TOP1: variants seen among roughly 807,000 people sequenced by gnomAD.
The protein encoded by TOP1 is DNA topoisomerase 1.
A neutral mutation model predicts 111.1 loss-of-function variants in TOP1; 10 were observed. The ratio of observed to expected loss-of-function variants is 0.09; its 90% CI spans 0.06 to 0.15. The LOEUF is 0.15. Ranked by LOEUF, TOP1 falls within the 10% of genes least tolerant of loss-of-function variation. TOP1 has a pLI of 1.00. For missense variants in TOP1, 474 were observed against 926.7 expected (o/e 0.51, Z 6.34); for synonymous variants, 271 against 302.9 (o/e 0.89, Z 1.10).
chr20:41,075,203 G>A (rs747251529), intron 3 of TOP1, among the ~76,000 whole-genome samples: 15 of 151,982 alleles, frequency 9.9e-5, no homozygotes, highest in Non-Finnish European at 1.3e-4. Flanking sequence ...GCAGAGTCTC[G>A]CTCTTTCGCC....
Position 41,030,070 on chromosome 20 carries a change from TA to T in TOP1, c.58+619del, listed in dbSNP as rs57403031. Among the ~76,000 whole-genome samples, 1,208 of 152,358 alleles carry T rather than the reference TA, an allele frequency of 7.9e-3. 14 individuals are homozygous for T. Among genetic ancestry groups the T allele is most frequent in the African/African-American group, 0.027 (1,143 of 41,586 alleles). ...CTGTTTATGATAGGAATTATGGCTC[TA>T]AAACTAAAGCCACGCTTTGTGGAGT... On this transcript the variant is annotated intron_variant, in intron 2 of 20. Coordinates refer to ENST00000361337, the MANE Select transcript of TOP1 (RefSeq NM_003286.4). This position sits in a 1 kb window ranked among gnomAD's most constrained non-coding sequence, Gnocchi z 4.1.
Position 41,114,472 on chromosome 20 carries a change from A to G in TOP1, c.1638+317A>G, listed in dbSNP as rs947871204. 2.0e-5 allele frequency among the ~76,000 whole-genome samples: 3 copies of G among 152,222 alleles called. No individual in the cohort carries two copies. The highest frequency in any genetic ancestry group is 4.4e-5 in the Non-Finnish European group (3 of 68,042). On this transcript the variant is annotated intron_variant, in intron 15 of 20. Transcript: ENST00000361337. The surrounding 1 kb of genome is among the most constrained non-coding windows in gnomAD (Gnocchi z 4.5). ...AAATGACTTGAAAGAGGGGAGAGGTATTATTTGATATCTTGTGTACCTCCT... is the reference window on the plus strand; with the variant it reads ...AAATGACTTGAAAGAGGGGAGAGGTGTTATTTGATATCTTGTGTACCTCCT...
intron 2 of TOP1, among the ~76,000 whole-genome samples, chr20:41,051,427 A>G (rs1600560140): frequency 6.6e-6 from 1 of 152,230 alleles, no homozygotes; most frequent in Non-Finnish European, 1.5e-5. Flanking sequence ...AGATCATGGA[A>G]TAGTTGATAA....
At position 41,114,074 on chromosome 20, in the gene TOP1, T is replaced by C. The variant is rs2034290187; in HGVS notation, c.1557T>C (p.Asp519=). The C allele has an allele frequency of 1.9e-6, 3 of 1,614,184 alleles. No individual in the cohort carries two copies. ...VEHINLHPEL[D]GQEYVVEFDF... ...ACATCAATCTACACCCAGAGTTGGATGGTCAGGAATATGTGGTAGAGTTTG... is the reference window on the plus strand; with the variant it reads ...ACATCAATCTACACCCAGAGTTGGACGGTCAGGAATATGTGGTAGAGTTTG... Residue 519 remains aspartate (D), a synonymous_variant, in exon 15 of 21, where the codon GAT becomes GAC. Transcript: ENST00000361337. The surrounding 1 kb of genome is among the most constrained non-coding windows in gnomAD (Gnocchi z 4.5).
rs762287828 is a variant in TOP1, at chr20:41,112,874, C to T, written c.1401C>T (p.Ser467=). 7 of 1,614,056 alleles carry T rather than the reference C, an allele frequency of 4.3e-6. No individual in the cohort carries two copies. Among genetic ancestry groups the T allele is most frequent in the Non-Finnish European group, 5.9e-6 (7 of 1,180,040 alleles). Residue 467 remains serine, a synonymous_variant, in exon 14 of 21, where the codon TCC becomes TCT. Transcript: ENST00000361337. This position sits in a 1 kb window ranked among gnomAD's most constrained non-coding sequence, Gnocchi z 5.8. ...IRNQYREDWK[S]KEMKVRQRAV... Reference sequence around the variant, plus strand: ...ACCAGTATCGAGAAGACTGGAAGTCCAAAGAGATGAAAGTCCGGCAGAGAG... The same window carrying T: ...ACCAGTATCGAGAAGACTGGAAGTCTAAAGAGATGAAAGTCCGGCAGAGAG...
intron 4 of TOP1, 33 bp downstream of exon 4, chr20:41,076,327 G>A (rs201008739): frequency 1.8e-5 from 29 of 1,577,574 alleles, no homozygotes; most frequent in Admixed American, 7.6e-5. Flanking sequence ...AGGAAGGAAC[G>A]TGGATGCACT....
chr20:41,105,750 T>G (rs75156662), intron 13 of TOP1, among the ~76,000 whole-genome samples: 1 of 152,164 alleles, frequency 6.6e-6, no homozygotes, highest in Non-Finnish European at 1.5e-5. Context: ...TCACCTCAGC[T>G]GCACAAAGTG....
In TOP1 at chr20:41,102,757, A is replaced by G. The variant is rs1170139421; in HGVS notation, c.1308+1404A>G. On this transcript the variant is annotated intron_variant, in intron 13 of 20. Coordinates refer to ENST00000361337, the MANE Select transcript of TOP1 (RefSeq NM_003286.4). The surrounding 1 kb of genome is among the most constrained non-coding windows in gnomAD (Gnocchi z 4.0). ...CTTCTGAAGTATCGCAAAGCTGTAT[A>G]TATGGCTACAAAAGCAGAAAAATAA... is the stretch of plus-strand genomic sequence containing the variant. Among the ~76,000 whole-genome samples, 1 of 152,264 alleles carries G rather than the reference A, an allele frequency of 6.6e-6. No individual in the cohort carries two copies. The highest frequency in any genetic ancestry group is 1.5e-5 in the Non-Finnish European group (1 of 68,046).
At chr20:41,089,960 T>G (rs1022472881) in intron 8 of TOP1, among the ~76,000 whole-genome samples, 1 of 152,168 alleles carries the variant, frequency 6.6e-6, no homozygotes, top group African/African-American at 2.4e-5. Flanking sequence ...TCAAGTTCTT[T>G]GCCCCACCCC....
At chr20:41,088,615 G>C (rs1397116539) in intron 8 of TOP1, among the ~76,000 whole-genome samples, 1 of 152,136 alleles carries the variant, frequency 6.6e-6, no homozygotes, top group Non-Finnish European at 1.5e-5. Flanking sequence ...CTCTGTGACT[G>C]CTGCAGACAG....
chr20:41,120,744 TC>T (rs2034409097), intron 18 of TOP1, among the ~76,000 whole-genome samples: 1 of 152,040 alleles, frequency 6.6e-6, no homozygotes, highest in Non-Finnish European at 1.5e-5. Flanking sequence ...ACCTCAGACT[TC>T]TCTCCTTTTT....
chr20:41,050,899 AT>A, intron 2 of TOP1, among the ~76,000 whole-genome samples: 1 of 152,144 alleles, frequency 6.6e-6, no homozygotes, highest in Non-Finnish European at 1.5e-5. Flanking sequence ...GAGAATGTTG[AT>A]TTTTTTAAAA....
Position 41,118,340 on chromosome 20 carries a change from A to T in TOP1, c.1950+44A>T. ...AGGGAACTGTGTCTGCTGTGGGCAG[A>T]TTATCTGCGAATGAGAGGATTCAGG... is the stretch of plus-strand genomic sequence containing the variant. On this transcript the variant is annotated intron_variant, in intron 18 of 20. Transcript: ENST00000361337. The surrounding 1 kb of genome is among the most constrained non-coding windows in gnomAD (Gnocchi z 4.6). 6.2e-7 allele frequency: 1 copy of T among 1,605,226 alleles called. No homozygotes were observed. Among genetic ancestry groups the T allele is most frequent in the Non-Finnish European group, 8.5e-7 (1 of 1,173,534 alleles).
Position 41,089,977 on chromosome 20 carries a change from T to C in TOP1, c.615-2495T>C, listed in dbSNP as rs541150854. The stretch of plus-strand genomic sequence containing the variant: ...AAGTTCTTTGCCCCACCCCCACGTG[T>C]TTTTTTTTGTTTTTGAGATGGAGTC... On this transcript the variant is annotated intron_variant, in intron 8 of 20. Transcript: ENST00000361337. 2.8e-3 allele frequency among the ~76,000 whole-genome samples: 421 copies of C among 151,138 alleles called. 4 individuals are homozygous for C. Among genetic ancestry groups the C allele is most frequent in the Middle Eastern group, 0.01 (3 of 290 alleles).
chr20:41,029,002 C>G lies in TOP1; in HGVS notation c.-66C>G. On this transcript the variant is annotated 5_prime_UTR_variant, in exon 1 of 21. Coordinates refer to ENST00000361337, the MANE Select transcript of TOP1 (RefSeq NM_003286.4). This position sits in a 1 kb window ranked among gnomAD's most constrained non-coding sequence, Gnocchi z 6.1. The stretch of plus-strand genomic sequence containing the variant: ...GGAGTCCCCGTCCGCCCGCACAGGC[C>G]GGTTCGCCGTCTGCGTCTCCCCCAC... The G allele has an allele frequency of 2.1e-6, 3 of 1,443,348 alleles. No homozygotes were observed. The highest frequency in any genetic ancestry group is 1.2e-5 in the South Asian group (1 of 81,948). The allele number at this position is 1,443,348 out of a possible 1,614,324, so 89.4% of individuals were successfully genotyped here.
intron 2 of TOP1, among the ~76,000 whole-genome samples, chr20:41,031,011 G>A (rs1464597019): frequency 6.6e-6 from 1 of 152,160 alleles, no homozygotes; most frequent in African/African-American, 2.4e-5. Flanking sequence ...AACTACTGGG[G>A]CATATGTGTA....
At chr20:41,043,002 C>T (rs1237930804) in intron 2 of TOP1, among the ~76,000 whole-genome samples, 1 of 152,152 alleles carries the variant, frequency 6.6e-6, no homozygotes, top group Non-Finnish European at 1.5e-5. Context: ...TCAGGAGTAG[C>T]AGAGGAGAAA....
intron 8 of TOP1, among the ~76,000 whole-genome samples, chr20:41,086,559 T>C (rs1363054992): frequency 2.0e-5 from 3 of 152,238 alleles, no homozygotes; most frequent in Non-Finnish European, 4.4e-5. Context: ...TTGGCTCTTT[T>C]TGGGATCCAG....
At chr20:41,052,331 T>G (rs1358586591) in intron 2 of TOP1, among the ~76,000 whole-genome samples, 1 of 152,268 alleles carries the variant, frequency 6.6e-6, no homozygotes, top group Non-Finnish European at 1.5e-5. Context: ...TGGTCTTTTG[T>G]GCTCATCATG....
Sources: allele counts gnomAD v4.1 joint callset (sites outside exome capture counted in the v4.1 genomes callset), GRCh38; gene constraint gnomAD v4.1.1; non-coding constraint Gnocchi (gnomAD v3.1); transcripts MANE v1.5; gene names NCBI Gene and HGNC (gene_info 2026-07-23, HGNC 2026-07-21).